The following MAN1A1 variants were observed in gnomAD, a reference collection of about 807,000 sequenced individuals.
MAN1A1 encodes mannosyl-oligosaccharide 1,2-alpha-mannosidase IA.
Under a neutral mutation model 70.8 loss-of-function variants are expected in MAN1A1, and 29 were observed. The ratio of observed to expected loss-of-function variants is 0.41; its 90% CI spans 0.31 to 0.56. The LOEUF (loss-of-function observed/expected upper bound fraction) is 0.56, where lower values mean the gene tolerates loss of function less well. MAN1A1 is among the 20% of genes least tolerant of loss of function. The pLI is 0.29. For synonymous variants in MAN1A1, 349 were observed against 330.1 expected, an observed-to-expected ratio of 1.06 and a Z score of -0.62; for missense variants, 747 against 841.3, an observed-to-expected ratio of 0.89 and a Z score of 1.39.
chr6:119,331,501 A>T (rs1003833816), intron 2 of MAN1A1, among the ~76,000 whole-genome samples: 2 of 149,446 alleles, frequency 1.3e-5, no homozygotes, highest in African/African-American at 4.9e-5. Flanking sequence ...ACCCCCAATA[A>T]CTTTCATTAA....
At chr6:119,217,356 A>G (rs1006098396) in intron 6 of MAN1A1, among the ~76,000 whole-genome samples, 3 of 152,074 alleles carry the variant, frequency 2.0e-5, no homozygotes, top group African/African-American at 7.2e-5. Flanking sequence ...GTTTCGGCTC[A>G]CTGCAATCTC....
intron 6 of MAN1A1, among the ~76,000 whole-genome samples, chr6:119,221,978 A>T (rs1320222610): frequency 6.6e-6 from 1 of 152,192 alleles, no homozygotes; most frequent in Non-Finnish European, 1.5e-5. Context: ...AAGAAGTCAC[A>T]GATATCAATT....
intron 8 of MAN1A1, among the ~76,000 whole-genome samples, chr6:119,198,002 G>A (rs1773619343): frequency 6.6e-6 from 1 of 152,172 alleles, no homozygotes. Flanking sequence ...GTAAATGAAG[G>A]AGACTTTTCT....
chr6:119,194,111 G>T (rs1025100519), intron 8 of MAN1A1, among the ~76,000 whole-genome samples: 1 of 152,092 alleles, frequency 6.6e-6, no homozygotes, highest in Non-Finnish European at 1.5e-5. Flanking sequence ...GAGTAGTTTT[G>T]TAAACATGGA....
chr6:119,312,217 C>T (rs951626569), intron 2 of MAN1A1, among the ~76,000 whole-genome samples: 1 of 152,146 alleles, frequency 6.6e-6, no homozygotes. Context: ...TGTGCCATTT[C>T]TCTTAAAACT....
chr6:119,334,541 T>C (rs1773403833), intron 2 of MAN1A1, among the ~76,000 whole-genome samples: 2 of 152,222 alleles, frequency 1.3e-5, no homozygotes, highest in Admixed American at 1.3e-4. Context: ...TTTTAGAACA[T>C]TAGTTGGTGT....
At chr6:119,350,485 G>C, upstream of MAN1A1, 1 of 981,728 alleles carries the variant, frequency 1.0e-6, no homozygotes, top group Non-Finnish European at 1.2e-6. Flanking sequence ...GAAAAAACTT[G>C]TATGTCTCTC....
chr6:119,193,183 A>T (rs1433239239), intron 9 of MAN1A1, among the ~76,000 whole-genome samples: 3 of 152,096 alleles, frequency 2.0e-5, no homozygotes, highest in Non-Finnish European at 4.4e-5. Flanking sequence ...AAAAAACCCA[A>T]CTCCACCGCT....
intron 2 of MAN1A1, among the ~76,000 whole-genome samples, chr6:119,336,415 G>A (rs1038700632): frequency 6.6e-6 from 1 of 151,838 alleles, no homozygotes; most frequent in African/African-American, 2.4e-5. Context: ...GATGCATGTT[G>A]AAGTCTGAAT....
chr6:119,252,653 G>A (rs1562211629), intron 5 of MAN1A1, among the ~76,000 whole-genome samples: 1 of 152,096 alleles, frequency 6.6e-6, no homozygotes, highest in Admixed American at 6.5e-5. Context: ...TTAGCTGGGC[G>A]TGGTGGTACA....
chr6:119,219,971 G>A (rs537315216), intron 6 of MAN1A1, among the ~76,000 whole-genome samples: 1 of 151,540 alleles, frequency 6.6e-6, no homozygotes, highest in East Asian at 1.9e-4. Context: ...TCTTGCAGGT[G>A]GCTAAGTAAT....
chr6:119,207,760 G>A lies in MAN1A1; in HGVS notation c.993-2878C>T, dbSNP rs762324571. Reference sequence around the variant, plus strand: ...GACATGGGCATTTGACACTCAAATGGGGGGGTTGGTGACAAAGGGAAATGA... The same window carrying A: ...GACATGGGCATTTGACACTCAAATGAGGGGGTTGGTGACAAAGGGAAATGA... On this transcript the variant is annotated intron_variant, in intron 6 of 12. Coordinates refer to ENST00000368468, the MANE Select transcript of MAN1A1 (RefSeq NM_005907.4). Among the ~76,000 whole-genome samples, 11 of 152,144 alleles carry A rather than the reference G, an allele frequency of 7.2e-5. No individual in the cohort carries two copies. The East Asian group carries it at 7.7e-4, about 11-fold the overall frequency.
intron 2 of MAN1A1, among the ~76,000 whole-genome samples, chr6:119,337,301 A>G (rs886465492): frequency 3.9e-5 from 6 of 152,198 alleles, no homozygotes; most frequent in Non-Finnish European, 7.4e-5. Flanking sequence ...CTTGTAGCCC[A>G]TGAGTATATA....
At chr6:119,252,096 C>G (rs901364056) in intron 5 of MAN1A1, among the ~76,000 whole-genome samples, 1 of 152,094 alleles carries the variant, frequency 6.6e-6, no homozygotes, top group African/African-American at 2.4e-5. Flanking sequence ...GATAACTCCA[C>G]TAGATACGAT....
At chr6:119,216,328 C>T (rs754472217) in intron 6 of MAN1A1, among the ~76,000 whole-genome samples, 7 of 152,050 alleles carry the variant, frequency 4.6e-5, no homozygotes, top group Non-Finnish European at 8.8e-5. Flanking sequence ...AAAGGCAGAT[C>T]GTTGGTGGCC....
intron 2 of MAN1A1, among the ~76,000 whole-genome samples, chr6:119,321,461 T>A (rs1170552576): frequency 6.6e-6 from 1 of 152,126 alleles, no homozygotes; most frequent in Non-Finnish European, 1.5e-5. Flanking sequence ...TTCTACAGGA[T>A]CCTCTGTCAG....
intron 5 of MAN1A1, among the ~76,000 whole-genome samples, chr6:119,271,136 G>A (rs964288835): frequency 6.6e-6 from 1 of 152,126 alleles, no homozygotes; most frequent in African/African-American, 2.4e-5. Context: ...TCACTGGAAG[G>A]AGTCATTGTG....
intron 7 of MAN1A1, among the ~76,000 whole-genome samples, chr6:119,202,803 GATAA>G (rs1773749497): frequency 6.6e-6 from 1 of 152,176 alleles, no homozygotes; most frequent in Non-Finnish European, 1.5e-5. Context: ...GTCAGGAGAT[GATAA>G]ATACTGTGGA....
chr6:119,229,748 A>C (rs991360218), intron 6 of MAN1A1, among the ~76,000 whole-genome samples: 1 of 152,138 alleles, frequency 6.6e-6, no homozygotes, highest in African/African-American at 2.4e-5. Flanking sequence ...CTCTGTTTTA[A>C]AAATAAAGAA....
Sources: gnomAD v4.1 joint callset for allele counts (sites outside exome capture counted in the v4.1 genomes callset) on GRCh38, gnomAD v4.1.1 for gene constraint, MANE v1.5 for transcripts, NCBI Gene and HGNC (gene_info 2026-07-23, HGNC 2026-07-21) for gene names.